Variants in ERGIC1 observed in about 807,000 individuals in gnomAD.
ERGIC1 encodes endoplasmic reticulum-golgi intermediate compartment 1.
In ERGIC1, 19 loss-of-function variants were observed where a neutral mutation model predicts 38.3. The observed-to-expected ratio is 0.50, with a 90% CI of 0.35 to 0.73. The LOEUF (loss-of-function observed/expected upper bound fraction) is 0.73. ERGIC1 is among the 30% of genes least tolerant of loss of function. The probability of loss-of-function intolerance (pLI) is 0.01; values close to 1 mark genes in which losing one functional copy is unlikely to be tolerated. For missense variants in ERGIC1, 294 were observed against 389.2 expected, an observed-to-expected ratio of 0.76 and a Z score of 2.06; for synonymous variants, 124 against 157.6, an observed-to-expected ratio of 0.79 and a Z score of 1.60.
intron 1 of ERGIC1, among the ~76,000 whole-genome samples, chr5:172,871,162 G>C (rs530188979): frequency 6.6e-6 from 1 of 152,216 alleles, no homozygotes; most frequent in African/African-American, 2.4e-5. Flanking sequence ...AGAGGTCCCC[G>C]TGGGGGCACT....
intron 3 of ERGIC1, among the ~76,000 whole-genome samples, chr5:172,900,719 A>AAC (rs1017158530): frequency 2.1e-5 from 3 of 146,264 alleles, no homozygotes; most frequent in African/African-American, 7.4e-5. Flanking sequence ...CAAAAAAAAA[A>AAC]AACAAAAAAA....
In ERGIC1 at chr5:172,834,772, T is replaced by C. The variant is rs1370171948; in HGVS notation, c.20+339T>C. 6.6e-6 allele frequency among the ~76,000 whole-genome samples: 1 copy of C among 151,882 alleles called. No individual in the cohort carries two copies. Among genetic ancestry groups the C allele is most frequent in the East Asian group, 1.9e-4 (1 of 5,162 alleles). On this transcript the variant is annotated intron_variant, in intron 1 of 9. Coordinates refer to ENST00000393784, the MANE Select transcript of ERGIC1 (RefSeq NM_001031711.3). This position sits in a 1 kb window ranked among gnomAD's most constrained non-coding sequence, Gnocchi z 4.1. ...GGGAACAGCCCATAACACCCCAGCA[T>C]CCCTCTCCTCCCTCTACTGAGCCTC...
chr5:172,851,693 G>A (rs553841923), intron 1 of ERGIC1, among the ~76,000 whole-genome samples: 6 of 152,024 alleles, frequency 3.9e-5, no homozygotes, highest in Non-Finnish European at 8.8e-5. Flanking sequence ...GGGGCTTCAG[G>A]TGCCCGAGGA....
chr5:172,942,373 A>G (rs1362754755), intron 9 of ERGIC1, among the ~76,000 whole-genome samples: 1 of 151,874 alleles, frequency 6.6e-6, no homozygotes, highest in African/African-American at 2.4e-5. Context: ...TGCCCCCGCT[A>G]CCCTGCTCAG....
chr5:172,879,105 A>G (rs73325146), intron 1 of ERGIC1, among the ~76,000 whole-genome samples: 6,858 of 152,290 alleles, frequency 0.045, 265 homozygotes, highest in African/African-American at 0.098. Context: ...CCGCCCACAT[A>G]TGGCGAACCA....
intron 2 of ERGIC1, among the ~76,000 whole-genome samples, chr5:172,894,132 CTTTTTTTTTT>C (rs781661227): frequency 6.7e-4 from 7 of 10,508 alleles, no homozygotes; most frequent in Non-Finnish European, 1.3e-3. Context: ...GCTGATGATA[CTTTTTTTTTT>C]TTTTTTTTTT....
At chr5:172,924,470 G>T (rs770185553) in intron 6 of ERGIC1, among the ~76,000 whole-genome samples, 1 of 152,224 alleles carries the variant, frequency 6.6e-6, no homozygotes, top group Non-Finnish European at 1.5e-5. Flanking sequence ...CAGAGCACTT[G>T]CCTGAAATGG....
At chr5:172,884,877 T>C (rs1762380189) in intron 1 of ERGIC1, among the ~76,000 whole-genome samples, 2 of 152,226 alleles carry the variant, frequency 1.3e-5, no homozygotes, top group Non-Finnish European at 2.9e-5. Flanking sequence ...TAATTCATAC[T>C]GATATTTCCA....
chr5:172,914,635 G>A (rs760473835), intron 4 of ERGIC1, 79 bp from the exon 5 acceptor site: 5 of 1,611,750 alleles, frequency 3.1e-6, no homozygotes, highest in South Asian at 2.2e-5. Flanking sequence ...ATGAATGAAG[G>A]CTCCCAGAGA....
At chr5:172,935,492 A>ATGT in intron 9 of ERGIC1, 182 bp downstream of exon 9, 1 of 684,694 alleles carries the variant, frequency 1.5e-6, no homozygotes, top group Non-Finnish European at 2.4e-6. Flanking sequence ...TGTCAGAAAC[A>ATGT]CATCAGTATC....
chr5:172,883,000 A>G (rs1346574955), intron 1 of ERGIC1, among the ~76,000 whole-genome samples: 3 of 152,128 alleles, frequency 2.0e-5, no homozygotes, highest in Admixed American at 2.0e-4. Context: ...TGGAGTCGTC[A>G]TAGCTCACTG....
intron 1 of ERGIC1, among the ~76,000 whole-genome samples, chr5:172,845,462 C>T (rs1204817034): frequency 1.3e-5 from 2 of 152,322 alleles, no homozygotes; most frequent in Admixed American, 6.5e-5. Flanking sequence ...GGGCCCCTGT[C>T]CACAGACCAG....
At chr5:172,862,295 G>A (rs1392241627) in intron 1 of ERGIC1, among the ~76,000 whole-genome samples, 4 of 93,112 alleles carry the variant, frequency 4.3e-5, no homozygotes, top group Non-Finnish European at 5.8e-5. Context: ...GCAACTGAGT[G>A]AGACTACATC....
At chr5:172,948,271 C>T (rs1036309280) in intron 9 of ERGIC1, among the ~76,000 whole-genome samples, 2 of 152,206 alleles carry the variant, frequency 1.3e-5, no homozygotes, top group South Asian at 2.1e-4. Flanking sequence ...CACAGGCCCC[C>T]GCTTAGCTCA....
intron 9 of ERGIC1, chr5:172,937,997 CAA>C (rs1247788648): frequency 2.4e-5 from 3 of 124,842 alleles, no homozygotes; most frequent in African/African-American, 3.4e-5. Flanking sequence ...GACTCCGTCT[CAA>C]AAAAAAAAAA....
intron 5 of ERGIC1, chr5:172,918,410 T>C (rs779156920): frequency 8.5e-5 from 13 of 152,210 alleles, no homozygotes; most frequent in Admixed American, 5.9e-4. Context: ...TGGAGAGAAT[T>C]GCAGTTTGAG....
chr5:172,896,673 A>C (rs1026410150), intron 2 of ERGIC1, among the ~76,000 whole-genome samples: 2 of 152,184 alleles, frequency 1.3e-5, no homozygotes, highest in Admixed American at 1.3e-4. Context: ...ACTCGAGCCA[A>C]ACAGAACACA....
chr5:172,909,795 G>T (rs907968145), intron 4 of ERGIC1, 34 bp downstream of exon 4: 8 of 1,583,870 alleles, frequency 5.1e-6, no homozygotes, highest in Non-Finnish European at 5.2e-6. Context: ...CCTCCAGCAG[G>T]ACACCTCCTT....
At chr5:172,865,603 G>T (rs1173858932) in intron 1 of ERGIC1, among the ~76,000 whole-genome samples, 1 of 152,136 alleles carries the variant, frequency 6.6e-6, no homozygotes, top group East Asian at 1.9e-4. Flanking sequence ...GAAAGCTCCT[G>T]CATATGCCTC....
Sources: gnomAD v4.1 joint callset for allele counts (sites outside exome capture counted in the v4.1 genomes callset) on GRCh38, gnomAD v4.1.1 for gene constraint, Gnocchi (gnomAD v3.1) non-coding constraint, MANE v1.5 for transcripts, NCBI Gene and HGNC (gene_info 2026-07-23, HGNC 2026-07-21) for gene names.